The following COL15A1 variants were observed in gnomAD, a reference collection of about 807,000 sequenced individuals.
COL15A1 encodes collagen type XV alpha 1 chain.
Under a neutral mutation model 165.9 loss-of-function variants are expected in COL15A1, and 111 were observed. That is an observed-to-expected ratio of 0.67 (90% CI 0.57 to 0.78). The LOEUF (loss-of-function observed/expected upper bound fraction) is 0.78, where lower values mean the gene tolerates loss of function less well. Ranked by LOEUF, COL15A1 falls within the 30% of genes least tolerant of loss-of-function variation. The probability of loss-of-function intolerance (pLI) is 0.00; values close to 1 mark genes in which losing one functional copy is unlikely to be tolerated. For missense variants in COL15A1, 1,745 were observed against 1,789.7 expected (o/e 0.98, Z 0.45); for synonymous variants, 659 against 674.8 (o/e 0.98, Z 0.36).
At chr9:99,016,224 G>A (rs1432162257) in intron 11 of COL15A1, 105 bp downstream of exon 11, 3 of 1,401,560 alleles carry the variant, frequency 2.1e-6, no homozygotes, top group South Asian at 1.5e-5. Flanking sequence ...CTCAGAGGTA[G>A]GTTTTCATGT....
intron 2 of COL15A1, among the ~76,000 whole-genome samples, chr9:98,972,287 CATCAGATTG>C (rs1428525794): frequency 6.6e-6 from 1 of 152,058 alleles, no homozygotes; most frequent in African/African-American, 2.4e-5. Flanking sequence ...TGAGAGTGGG[CATCAGATTG>C]ACGCAGGCAA....
intron 2 of COL15A1, among the ~76,000 whole-genome samples, chr9:98,962,413 G>A (rs982634277): frequency 1.2e-4 from 18 of 152,324 alleles, no homozygotes; most frequent in South Asian, 2.1e-4. Context: ...ACTAGCATGC[G>A]AAGAGCCACA....
chr9:99,004,505 C>T (rs549020587), intron 8 of COL15A1, among the ~76,000 whole-genome samples: 12 of 152,200 alleles, frequency 7.9e-5, no homozygotes, highest in South Asian at 4.1e-4. Context: ...GAGTGGTCCA[C>T]GAGGGTAGAC....
At chr9:99,019,428 T>C (rs1667728748) in intron 11 of COL15A1, among the ~76,000 whole-genome samples, 1 of 152,062 alleles carries the variant, frequency 6.6e-6, no homozygotes, top group Admixed American at 6.5e-5. Context: ...TTGGCCATGC[T>C]GGTCTTGAAC....
chr9:98,950,244 G>C (rs1335620363), intron 2 of COL15A1, among the ~76,000 whole-genome samples: 1 of 152,114 alleles, frequency 6.6e-6, no homozygotes, highest in African/African-American at 2.4e-5. Flanking sequence ...TGTGTTTCAA[G>C]TATGACGAAC....
At chr9:99,050,206 C>T (rs1013790318) in intron 30 of COL15A1, among the ~76,000 whole-genome samples, 6 of 152,158 alleles carry the variant, frequency 3.9e-5, no homozygotes, top group Admixed American at 1.3e-4. Context: ...GAAAAATAGA[C>T]CCGTTAGAAA....
At position 99,035,385 on chromosome 9, in the gene COL15A1, T is replaced by C; in HGVS notation, c.2256T>C (p.Asn752=). Residue 752 remains asparagine (N), a synonymous_variant, in exon 19 of 42, where the codon AAT becomes AAC. Transcript: ENST00000375001. ...TEGSGSTQLL[N]EPKLSRPTAA... Reference sequence around the variant, plus strand: ...GCTCTGGAAGCACCCAGCTATTGAATGAACCCAAACTCTCCAGACCAACGG... The same window carrying C: ...GCTCTGGAAGCACCCAGCTATTGAACGAACCCAAACTCTCCAGACCAACGG... The C allele has an allele frequency of 6.2e-7, 1 of 1,614,182 alleles. No individual in the cohort carries two copies. Among genetic ancestry groups the C allele is most frequent in the Non-Finnish European group, 8.5e-7 (1 of 1,180,038 alleles).
At chr9:99,063,186 C>G (rs1424495989) in intron 39 of COL15A1, 77 bp downstream of exon 39, 1 of 1,408,642 alleles carries the variant, frequency 7.1e-7, no homozygotes, top group Non-Finnish European at 9.4e-7. Flanking sequence ...GCTTAGTACA[C>G]AGTTCCTACC....
chr9:98,966,080 T>C (rs1329908176), intron 2 of COL15A1, among the ~76,000 whole-genome samples: 1 of 152,056 alleles, frequency 6.6e-6, no homozygotes, highest in Non-Finnish European at 1.5e-5. Flanking sequence ...GAATGAATGA[T>C]AGTAAGGTCC....
At chr9:99,019,302 T>C (rs1838988104) in intron 11 of COL15A1, among the ~76,000 whole-genome samples, 1 of 152,180 alleles carries the variant, frequency 6.6e-6, no homozygotes, top group African/African-American at 2.4e-5. Context: ...CAAGCGATTC[T>C]CCTGCCTCAG....
At chr9:99,057,013 G>C (rs575376165) in intron 35 of COL15A1, among the ~76,000 whole-genome samples, 1 of 152,206 alleles carries the variant, frequency 6.6e-6, no homozygotes, top group Admixed American at 6.5e-5. Flanking sequence ...ATGAACTTTC[G>C]TGTACAAGTT....
At chr9:98,960,282 C>G (rs988205346) in intron 2 of COL15A1, among the ~76,000 whole-genome samples, 1 of 152,070 alleles carries the variant, frequency 6.6e-6, no homozygotes, top group Non-Finnish European at 1.5e-5. Context: ...TGCCTGTACT[C>G]CCAGCTACTT....
chr9:99,068,777 A>G, intron 41 of COL15A1, 107 bp downstream of exon 41: 1 of 698,324 alleles, frequency 1.4e-6, no homozygotes, highest in Non-Finnish European at 2.4e-6. Context: ...TTGCCAACAT[A>G]AAGCCACAGT....
At chr9:99,049,803 T>C in intron 29 of COL15A1, 45 bp downstream of exon 29, 5 of 1,614,260 alleles carry the variant, frequency 3.1e-6, no homozygotes, top group Non-Finnish European at 4.2e-6. Context: ...TGGCCTAAGC[T>C]GGAGTCAGGT....
chr9:98,986,164 GC>G, intron 3 of COL15A1, 52 bp downstream of exon 3: 1 of 1,372,870 alleles, frequency 7.3e-7, no homozygotes, highest in Non-Finnish European at 1.0e-6. Flanking sequence ...GAACAGACTC[GC>G]CATGCAATAA....
intron 6 of COL15A1, chr9:98,997,979 C>A (rs970257216): frequency 3.3e-5 from 5 of 152,358 alleles, no homozygotes; most frequent in Middle Eastern, 6.8e-3. Flanking sequence ...TTCATTCATA[C>A]ATACAGCCCT....
rs74691577 is a variant in COL15A1 at position 99,031,548 on chromosome 9, A to G, written c.2044-3001A>G. 2.9e-3 allele frequency among the ~76,000 whole-genome samples: 440 copies of G among 152,318 alleles called. 2 individuals carry two copies. Among genetic ancestry groups the G allele is most frequent in the African/African-American group, 9.7e-3 (402 of 41,552 alleles). ...TGGGGGTTGCCTATTGTGTGCAGGC[A>G]GTTTTGCGGACACGTCATGGCCTCA... On this transcript the variant is annotated intron_variant, in intron 16 of 41. Transcript: ENST00000375001.
intron 5 of COL15A1, among the ~76,000 whole-genome samples, chr9:98,994,343 CTT>C (rs897891645): frequency 5.9e-5 from 9 of 152,172 alleles, no homozygotes; most frequent in African/African-American, 2.2e-4. Flanking sequence ...AGACCGAGCA[CTT>C]TCTCCCCTCC....
chr9:99,015,232 C>A (rs1288227239), intron 9 of COL15A1, among the ~76,000 whole-genome samples, 185 bp from the exon 10 acceptor site: 2 of 152,052 alleles, frequency 1.3e-5, no homozygotes, highest in South Asian at 4.1e-4. Context: ...TGGGAGGATG[C>A]CCTGAAAGGT....
Sources: allele counts gnomAD v4.1 joint callset (sites outside exome capture counted in the v4.1 genomes callset), GRCh38; gene constraint gnomAD v4.1.1; transcripts MANE v1.5; gene names NCBI Gene and HGNC (gene_info 2026-07-23, HGNC 2026-07-21).